Variants in CCDC175 observed in about 807,000 individuals in gnomAD.
CCDC175 encodes the protein coiled-coil domain containing 175.
CCDC175 carries 100 observed loss-of-function variants against 114.6 expected under a neutral mutation model. That is an observed-to-expected ratio of 0.87 (90% CI 0.74 to 1.03). CCDC175 has a LOEUF of 1.03. CCDC175 is among the 50% of genes least tolerant of loss of function. The pLI, the probability that CCDC175 is intolerant of heterozygous loss-of-function variation, is 0.00. For synonymous variants in CCDC175, 306 were observed against 308.7 expected, an observed-to-expected ratio of 0.99 and a Z score of 0.09; for missense variants, 880 against 917.8, an observed-to-expected ratio of 0.96 and a Z score of 0.53.
rs141159730 is a variant in CCDC175 at position 59,550,821 on chromosome 14, C to T, written c.1035+534G>A. On this transcript the variant is annotated intron_variant, in intron 8 of 19. Transcript: ENST00000537690. ...TGGCAGCTGATTAGATGCTGCCCAC[C>T]CAGATTAAGGGTGGGTCTGCTTTTC... Among the ~76,000 whole-genome samples, 566 of 152,224 alleles carry T rather than the reference C, an allele frequency of 3.7e-3. 2 individuals are homozygous for T. Among genetic ancestry groups the T allele is most frequent in the African/African-American group, 0.011 (444 of 41,524 alleles).
intron 17 of CCDC175, 94 bp from the exon 18 acceptor site, chr14:59,511,897 AT>A: frequency 1.1e-6 from 1 of 922,634 alleles, no homozygotes; most frequent in Non-Finnish European, 1.6e-6. Flanking sequence ...TTCAAAAATT[AT>A]TTTTATCTAA....
chr14:59,549,718 T>G (rs1460394593), intron 8 of CCDC175, among the ~76,000 whole-genome samples: 1 of 22,762 alleles, frequency 4.4e-5, no homozygotes, highest in African/African-American at 1.0e-4. Context: ...AGACTATGTC[T>G]CAAAAAAAAA....
chr14:59,540,315 A>G (rs887749370), intron 11 of CCDC175, among the ~76,000 whole-genome samples: 1 of 152,164 alleles, frequency 6.6e-6, no homozygotes, highest in Non-Finnish European at 1.5e-5. Flanking sequence ...CAACCAAAGC[A>G]GGCCATCTGC....
At chr14:59,548,613 A>G (rs890739976) in intron 8 of CCDC175, among the ~76,000 whole-genome samples, 6 of 152,194 alleles carry the variant, frequency 3.9e-5, no homozygotes, top group African/African-American at 1.4e-4. Context: ...AAAGTTGTCT[A>G]CTAGCTTCTG....
chr14:59,558,516 G>A (rs1423057485), intron 7 of CCDC175, among the ~76,000 whole-genome samples: 1 of 152,168 alleles, frequency 6.6e-6, no homozygotes, highest in Admixed American at 6.5e-5. Flanking sequence ...GATTTGGCTG[G>A]AGTAAGAGTT....
intron 7 of CCDC175, among the ~76,000 whole-genome samples, chr14:59,555,051 G>C (rs180911375): frequency 2.4e-4 from 36 of 152,286 alleles, no homozygotes; most frequent in African/African-American, 7.9e-4. Flanking sequence ...GGAGGAGCTG[G>C]TACCATTACT....
At chr14:59,507,040 T>C (rs36082810) in intron 19 of CCDC175, among the ~76,000 whole-genome samples, 17,545 of 152,300 alleles carry the variant, frequency 0.12, 1,482 homozygotes, top group South Asian at 0.26. Flanking sequence ...AGCTTACATA[T>C]ACACTAAGAA....
In CCDC175 at chr14:59,545,231, G is replaced by C; in HGVS notation, c.1104C>G (p.Ala368=). 6.5e-7 allele frequency: 1 copy of C among 1,536,460 alleles called. No individual in the cohort carries two copies. The highest frequency in any genetic ancestry group is 8.7e-7 in the Non-Finnish European group (1 of 1,146,448). ...CACTTAAAACAATCTTATATTGTCT[G>C]GCAAGAGTTTTCATTTTCTCTCGTA... ...KDLREKMKTL[A]RQYKIVLSEE... The change falls in exon 9 of 20, where the codon GCC becomes GCG. Residue 368 remains alanine (A), a synonymous_variant. Coordinates refer to ENST00000537690, the MANE Select transcript of CCDC175 (RefSeq NM_001164399.2).
intron 16 of CCDC175, among the ~76,000 whole-genome samples, chr14:59,522,612 C>T (rs1049654129): frequency 6.6e-6 from 1 of 152,224 alleles, no homozygotes; most frequent in African/African-American, 2.4e-5. Context: ...CCACAGCTCA[C>T]TCCTTCAAAG....
At chr14:59,568,202 T>G (rs1367841833) in intron 4 of CCDC175, 43 bp downstream of exon 4, 1 of 1,494,724 alleles carries the variant, frequency 6.7e-7, no homozygotes. Flanking sequence ...CACTCCAGCC[T>G]CAGACCCCTG....
At chr14:59,569,198 C>G (rs1186914871) in intron 3 of CCDC175, among the ~76,000 whole-genome samples, 1 of 152,200 alleles carries the variant, frequency 6.6e-6, no homozygotes, top group Admixed American at 6.5e-5. Context: ...TCCCTAGAAA[C>G]TAGCTGGTAG....
chr14:59,541,613 A>G (rs1258805340), intron 10 of CCDC175, among the ~76,000 whole-genome samples: 1 of 152,182 alleles, frequency 6.6e-6, no homozygotes, highest in East Asian at 1.9e-4. Flanking sequence ...AAATAAATCT[A>G]ATATCCTCCT....
At chr14:59,517,706 G>A (rs541060466) in intron 17 of CCDC175, among the ~76,000 whole-genome samples, 4 of 152,234 alleles carry the variant, frequency 2.6e-5, no homozygotes, top group South Asian at 4.2e-4. Context: ...CCATGCTCAC[G>A]GGTAGGAAGA....
At chr14:59,537,784 T>C (rs900060186) in intron 13 of CCDC175, among the ~76,000 whole-genome samples, 1 of 152,188 alleles carries the variant, frequency 6.6e-6, no homozygotes, top group Non-Finnish European at 1.5e-5. Context: ...TCTAAGGCCA[T>C]TGCCAACAGT....
chr14:59,537,842 A>G (rs1894500769), intron 13 of CCDC175, among the ~76,000 whole-genome samples, 181 bp downstream of exon 13: 1 of 152,190 alleles, frequency 6.6e-6, no homozygotes, highest in South Asian at 2.1e-4. Context: ...TTCTGAAAAA[A>G]TATTTCTTAT....
chr14:59,519,459 C>CA (rs1893301311), intron 17 of CCDC175, among the ~76,000 whole-genome samples: 1 of 152,046 alleles, frequency 6.6e-6, no homozygotes, highest in Admixed American at 6.5e-5. Context: ...CCTTAAAAGA[C>CA]AAAATCGATA....
At chr14:59,556,286 G>A (rs941007756) in intron 7 of CCDC175, among the ~76,000 whole-genome samples, 2 of 152,154 alleles carry the variant, frequency 1.3e-5, no homozygotes, top group African/African-American at 4.8e-5. Flanking sequence ...GAACAGAAGA[G>A]AGCCCTCAGA....
At position 59,544,373 on chromosome 14, in the gene CCDC175, A is replaced by AT. The variant is rs564302263; in HGVS notation, c.1172+789dup. On this transcript the variant is annotated intron_variant, in intron 9 of 19. Coordinates refer to ENST00000537690, the MANE Select transcript of CCDC175 (RefSeq NM_001164399.2). The stretch of plus-strand genomic sequence containing the variant: ...AGTAGAGATGGGGTTTCAAGTAGTT[A>AT]TTTTTTTGTCTCAAATTGCAGGAGA... 3.3e-3 allele frequency among the ~76,000 whole-genome samples: 502 copies of AT among 152,096 alleles called. 1 individual carries two copies. Among genetic ancestry groups the AT allele is most frequent in the Non-Finnish European group, 4.7e-3 (319 of 67,970 alleles).
intron 19 of CCDC175, 178 bp downstream of exon 19, chr14:59,510,468 A>G (rs752894264): frequency 1.6e-6 from 1 of 615,834 alleles, no homozygotes; most frequent in South Asian, 1.9e-5. Flanking sequence ...GCAGAATTGG[A>G]TAACACTACA....
Sources: gnomAD v4.1 joint callset for allele counts (sites outside exome capture counted in the v4.1 genomes callset) on GRCh38, gnomAD v4.1.1 for gene constraint, MANE v1.5 for transcripts, NCBI Gene and HGNC (gene_info 2026-07-23, HGNC 2026-07-21) for gene names.